Variants in SPAG16 observed in about 807,000 individuals in gnomAD.
SPAG16 encodes sperm-associated antigen 16 protein.
SPAG16 carries 86 observed loss-of-function variants against 80.4 expected under a neutral mutation model. That is an observed-to-expected ratio of 1.07 (90% confidence interval 0.90 to 1.28). The LOEUF (loss-of-function observed/expected upper bound fraction) is 1.28, where lower values mean the gene tolerates loss of function less well. SPAG16 is among the 50% of genes most tolerant of loss of function. The pLI is 0.00. For missense variants in SPAG16, 870 were observed against 765.3 expected (o/e 1.14, Z -1.61); for synonymous variants, 294 against 265.9 (o/e 1.11, Z -1.03).
In SPAG16 at chr2:214,088,503, A is replaced by G. The variant is rs1429024944; in HGVS notation, c.1528-19693A>G. ...AAAGAAAAATGTACAAGCTTACAGG[A>G]AAAAAACTACATTAGCCATACTAAA... On this transcript the variant is annotated intron_variant, in intron 13 of 15. Coordinates refer to ENST00000331683, the MANE Select transcript of SPAG16 (RefSeq NM_024532.5). 2.0e-5 allele frequency among the ~76,000 whole-genome samples: 3 copies of G among 152,160 alleles called. No individual in the cohort carries two copies. The East Asian group carries it at 5.8e-4, about 29-fold the overall frequency.
intron 15 of SPAG16, among the ~76,000 whole-genome samples, chr2:214,388,152 A>G (rs1700866336): frequency 6.6e-6 from 1 of 152,038 alleles, no homozygotes; most frequent in Non-Finnish European, 1.5e-5. Context: ...TTCCAGATCT[A>G]CTGACCTGGA....
chr2:214,160,695 G>A (rs186757676), intron 15 of SPAG16, among the ~76,000 whole-genome samples: 1 of 140,192 alleles, frequency 7.1e-6, no homozygotes, highest in Admixed American at 7.2e-5. Flanking sequence ...GTGTATGTAC[G>A]TATGTAAGTT....
chr2:213,886,267 G>A (rs1171447086), intron 11 of SPAG16, among the ~76,000 whole-genome samples: 1 of 152,066 alleles, frequency 6.6e-6, no homozygotes, highest in Non-Finnish European at 1.5e-5. Context: ...TAGGTTTTGT[G>A]GTTGGCTTTT....
chr2:214,163,917 CA>C (rs2056551939), intron 15 of SPAG16, among the ~76,000 whole-genome samples: 2 of 151,890 alleles, frequency 1.3e-5, no homozygotes, highest in Admixed American at 1.3e-4. Flanking sequence ...CTGCTTTACC[CA>C]AAGTCTGTGA....
intron 13 of SPAG16, among the ~76,000 whole-genome samples, chr2:214,037,214 CTTTAATATACACATATATGTGTATGTT>C (rs2048743612): frequency 1.4e-5 from 2 of 142,914 alleles, no homozygotes; most frequent in South Asian, 4.2e-4. Flanking sequence ...AGTATGTATA[CTTTAATATACACATATATGTGTATGTT>C]TTTATTATTC....
chr2:213,800,786 C>G (rs143512813), intron 10 of SPAG16, among the ~76,000 whole-genome samples: 4 of 152,250 alleles, frequency 2.6e-5, no homozygotes, highest in African/African-American at 9.6e-5. Context: ...ATAAACATAA[C>G]GTCCCAATTC....
intron 15 of SPAG16, among the ~76,000 whole-genome samples, chr2:214,278,508 G>A (rs534191178): frequency 4.5e-4 from 69 of 152,290 alleles, no homozygotes; most frequent in African/African-American, 1.6e-3. Context: ...TGTCTAGGTG[G>A]AGGAACTGTA....
intron 15 of SPAG16, among the ~76,000 whole-genome samples, chr2:214,405,758 C>T (rs895619994): frequency 2.0e-5 from 3 of 152,172 alleles, no homozygotes; most frequent in African/African-American, 4.8e-5. Flanking sequence ...GATTGCGCCA[C>T]TGCACTCAAG....
At chr2:213,786,326 T>C (rs2070341089) in intron 10 of SPAG16, among the ~76,000 whole-genome samples, 1 of 152,136 alleles carries the variant, frequency 6.6e-6, no homozygotes, top group South Asian at 2.1e-4. Context: ...AATTTTGGAG[T>C]TTAAGTGGTG....
intron 15 of SPAG16, among the ~76,000 whole-genome samples, chr2:214,166,277 G>A (rs2056652495): frequency 6.6e-6 from 1 of 152,132 alleles, no homozygotes; most frequent in South Asian, 2.1e-4. Flanking sequence ...TCCATTCTAT[G>A]TTCTTCTCTG....
intron 10 of SPAG16, among the ~76,000 whole-genome samples, chr2:213,644,678 TC>T (rs1401484061): frequency 2.6e-5 from 4 of 152,214 alleles, no homozygotes; most frequent in African/African-American, 7.2e-5. Flanking sequence ...TCTCTTCCCT[TC>T]CTTTCTCTCA....
At chr2:213,317,805 A>G (rs1421320013) in intron 5 of SPAG16, 4 of 867,264 alleles carry the variant, frequency 4.6e-6, no homozygotes, top group African/African-American at 3.6e-5. Flanking sequence ...TGATAATGAT[A>G]TGTAGGTTCG....
intron 10 of SPAG16, among the ~76,000 whole-genome samples, chr2:213,638,684 G>C (rs1213999192): frequency 6.6e-6 from 1 of 152,164 alleles, no homozygotes; most frequent in Non-Finnish European, 1.5e-5. Context: ...CTTGGAGAAT[G>C]TTCCTTGTGC....
At chr2:214,383,436 G>C (rs2126112414) in intron 15 of SPAG16, among the ~76,000 whole-genome samples, 1 of 152,096 alleles carries the variant, frequency 6.6e-6, no homozygotes, top group Non-Finnish European at 1.5e-5. Flanking sequence ...AGCCGGGCAT[G>C]GTGGTGCACC....
At chr2:214,382,220 G>A (rs1392727821) in intron 15 of SPAG16, among the ~76,000 whole-genome samples, 1 of 152,184 alleles carries the variant, frequency 6.6e-6, no homozygotes, top group Non-Finnish European at 1.5e-5. Flanking sequence ...TCTGATTAAT[G>A]AGAAATGAGT....
chr2:213,450,473 C>T (rs1450273356), intron 9 of SPAG16, among the ~76,000 whole-genome samples: 1 of 152,136 alleles, frequency 6.6e-6, no homozygotes, highest in Non-Finnish European at 1.5e-5. Context: ...TATCTTAGCT[C>T]TTTAGGTGTG....
At chr2:214,193,413 G>A (rs1379131467) in intron 15 of SPAG16, among the ~76,000 whole-genome samples, 1 of 128,302 alleles carries the variant, frequency 7.8e-6, no homozygotes, top group Admixed American at 8.3e-5. Flanking sequence ...GTGTGTGTGT[G>A]TGTGTGTGTG....
intron 10 of SPAG16, among the ~76,000 whole-genome samples, chr2:213,638,235 A>G (rs1463527905): frequency 1.3e-5 from 2 of 151,366 alleles, no homozygotes; most frequent in African/African-American, 4.9e-5. Flanking sequence ...GTTTGTTTCA[A>G]TTTCTTTTAG....
intron 15 of SPAG16, among the ~76,000 whole-genome samples, chr2:214,268,758 T>TGG (rs1340697498): frequency 1.3e-5 from 2 of 151,764 alleles, no homozygotes; most frequent in Non-Finnish European, 2.9e-5. Context: ...TGTGTGTGTG[T>TGG]GTGGGTGTGT....
Sources: allele counts gnomAD v4.1 joint callset (sites outside exome capture counted in the v4.1 genomes callset), GRCh38; gene constraint gnomAD v4.1.1; transcripts MANE v1.5; gene names NCBI Gene and HGNC (gene_info 2026-07-23, HGNC 2026-07-21).